Variants in KLC4 observed in about 807,000 individuals in gnomAD.
KLC4 encodes kinesin-like protein 8.
KLC4 carries 49 observed loss-of-function variants against 77.2 expected under a neutral mutation model. That is an observed-to-expected ratio of 0.63 (90% confidence interval 0.50 to 0.80). The LOEUF is 0.80. Among genes scored for constraint, KLC4 ranks in the 30% least tolerant of loss-of-function variants. KLC4 has a pLI of 0.00. For synonymous variants in KLC4, 274 were observed against 314.5 expected, an observed-to-expected ratio of 0.87 and a Z score of 1.36; for missense variants, 669 against 793.5, an observed-to-expected ratio of 0.84 and a Z score of 1.89.
chr6:43,070,572 T>C, intron 7 of KLC4, 117 bp downstream of exon 7: 1 of 1,407,786 alleles, frequency 7.1e-7, no homozygotes, highest in South Asian at 1.3e-5. Flanking sequence ...TGCTTTGTTC[T>C]CTCTTCCTTC....
intron 1 of KLC4, chr6:43,060,323 C>T: frequency 6.2e-7 from 1 of 1,609,216 alleles, no homozygotes; most frequent in South Asian, 1.1e-5. Flanking sequence ...TCCTGGGAGA[C>T]AGTAGCTCCC....
At chr6:43,071,468 C>G (rs1033878756) in intron 9 of KLC4, 94 bp downstream of exon 9, 2 of 1,543,556 alleles carry the variant, frequency 1.3e-6, no homozygotes, top group African/African-American at 2.7e-5. Context: ...CCAGGGGGAG[C>G]CAGACCCCTT....
At position 43,064,526 on chromosome 6, in the gene KLC4, C is replaced by T. The variant is rs184166200; in HGVS notation, c.490-1094C>T. 9.4e-4 allele frequency among the ~76,000 whole-genome samples: 143 copies of T among 152,116 alleles called. 1 individual carries two copies. The Middle Eastern group carries it at 0.037, about 40-fold the overall frequency. ...GCTGTTGCCAGACTAGAGACTCTGT[C>T]TCAAAAAACAAACAAAAAAATAGAG... On this transcript the variant is annotated intron_variant, in intron 3 of 15. Coordinates refer to ENST00000347162, the MANE Select transcript of KLC4 (RefSeq NM_201521.3).
rs758538013 is a variant in KLC4 at position 43,063,076 on chromosome 6, C to A, written c.418C>A (p.Leu140Met). 6.2e-7 allele frequency: 1 copy of A among 1,614,114 alleles called. No homozygotes were observed. The highest frequency in any genetic ancestry group is 8.5e-7 in the Non-Finnish European group (1 of 1,180,038). The change falls in exon 3 of 16, where the codon CTG becomes ATG. Residue 140 changes from leucine to methionine, a missense_variant. Transcript: ENST00000347162. ...GCGCAGTGAACAGGCTGTGGCTCAGCTGGAGGAGGAAAAGAAGCACCTGGA... is the reference window on the plus strand; with the variant it reads ...GCGCAGTGAACAGGCTGTGGCTCAGATGGAGGAGGAAAAGAAGCACCTGGA... Reference protein sequence around the residue: ...LQRSEQAVAQLEEEKKHLEFL... With the variant: ...LQRSEQAVAQMEEEKKHLEFL...
In KLC4 at chr6:43,070,473, C is replaced by T; in HGVS notation, c.981+18C>T. ...GAGAAAAGGTACCCATGCCCTCTCT[C>T]CCTTCTTCTCTTGTCGCTGTGACCC... On this transcript the variant is annotated intron_variant, in intron 7 of 15. Transcript: ENST00000347162. 1 of 1,579,314 alleles carries T rather than the reference C, an allele frequency of 6.3e-7. No individual in the cohort carries two copies. The highest frequency in any genetic ancestry group is 1.1e-5 in the South Asian group (1 of 90,320).
At chr6:43,059,819 C>T (rs972953921) in intron 1 of KLC4, 134 bp downstream of exon 1, 43 of 1,168,530 alleles carry the variant, frequency 3.7e-5, no homozygotes, top group Middle Eastern at 3.6e-4. Flanking sequence ...CCGCCCTTCG[C>T]GATTCTTCCC....
At position 43,073,896 on chromosome 6, in the gene KLC4, T is replaced by C. The variant is rs1404107288; in HGVS notation, c.1746-6T>C. On this transcript the variant is annotated splice_region_variant and splice_polypyrimidine_tract_variant and intron_variant, in intron 14 of 15. Transcript: ENST00000347162. ...GAGGCCTCAATTCTTCCGTTTTCCA[T>C]TGTAGCAGCAACATGAAGCGAGCAG... 6.2e-7 allele frequency: 1 copy of C among 1,614,050 alleles called. No homozygotes were observed. The highest frequency in any genetic ancestry group is 1.7e-5 in the Admixed American group (1 of 60,012).
chr6:43,068,267 T>A (rs1303385641), intron 6 of KLC4, among the ~76,000 whole-genome samples: 4 of 135,278 alleles, frequency 3.0e-5, no homozygotes, highest in East Asian at 2.3e-4. Flanking sequence ...AGGTCAGGAG[T>A]TCAAGACCAT....
chr6:43,074,522 G>A (rs889378867), intron 15 of KLC4, 100 bp from the exon 16 acceptor site: 7 of 1,018,492 alleles, frequency 6.9e-6, no homozygotes, highest in Non-Finnish European at 1.1e-5. Context: ...GTGATCCTAG[G>A]TCCAGAGATA....
chr6:43,061,725 C>T, intron 2 of KLC4, 132 bp downstream of exon 2: 1 of 913,900 alleles, frequency 1.1e-6, no homozygotes, highest in Non-Finnish European at 1.6e-6. Context: ...GTATTAAGTC[C>T]CTACTGTGTG....
chr6:43,060,211 T>A, intron 1 of KLC4: 1 of 1,614,118 alleles, frequency 6.2e-7, no homozygotes, highest in Non-Finnish European at 8.5e-7. Context: ...GACAAAACCA[T>A]GGAAGTGACT....
chr6:43,069,784 G>C (rs1280887854), intron 6 of KLC4, among the ~76,000 whole-genome samples: 1 of 152,150 alleles, frequency 6.6e-6, no homozygotes. Context: ...CTGACCTCAG[G>C]TGATCCGCCC....
intron 12 of KLC4, 62 bp downstream of exon 12, chr6:43,072,317 G>C (rs889337785): frequency 1.5e-6 from 2 of 1,291,388 alleles, no homozygotes; most frequent in Non-Finnish European, 2.2e-6. Context: ...AGAGAGTGCC[G>C]AGGTTTCTTG....
At chr6:43,062,333 C>T (rs919727673) in intron 2 of KLC4, among the ~76,000 whole-genome samples, 2 of 152,214 alleles carry the variant, frequency 1.3e-5, no homozygotes, top group African/African-American at 2.4e-5. Flanking sequence ...CAACCTCTGC[C>T]TGCCAGGTTC....
intron 2 of KLC4, 143 bp from the exon 3 acceptor site, chr6:43,062,774 T>C: frequency 1.6e-6 from 1 of 641,328 alleles, no homozygotes; most frequent in Non-Finnish European, 2.7e-6. Context: ...GGGTATGTTT[T>C]GAAGGTAGCA....
chr6:43,061,490 A>T lies in KLC4; in HGVS notation c.155A>T (p.Glu52Val), dbSNP rs1256105732. Residue 52 changes from glutamate (E) to valine (V), a missense_variant, in exon 2 of 16, where the codon GAG (glutamate) becomes GTG (valine). Glu to Val is a moderately radical substitution (Grantham distance 121). Coordinates refer to ENST00000347162, the MANE Select transcript of KLC4 (RefSeq NM_201521.3). ...AVLQSLSQTI[E>V]CLQQGGHEEG... is the part of the protein sequence containing the mutation. ...CTGCAAAGCCTGTCCCAGACCATTG[A>T]GTGTCTGCAGCAGGGAGGCCATGAG... 6.2e-7 allele frequency: 1 copy of T among 1,614,124 alleles called. No homozygotes were observed. The highest frequency in any genetic ancestry group is 8.5e-7 in the Non-Finnish European group (1 of 1,179,984).
intron 6 of KLC4, chr6:43,067,377 TATAAA>T (rs769839005): frequency 1.1e-4 from 52 of 471,962 alleles, no homozygotes; most frequent in African/African-American, 8.1e-4. Flanking sequence ...CTCTAATAAA[TATAAA>T]AGAAAAACAA....
Position 43,071,561 on chromosome 6 carries a change from C to G in KLC4, c.1256-6C>G, listed in dbSNP as rs753058327. On this transcript the variant is annotated splice_region_variant and splice_polypyrimidine_tract_variant and intron_variant, in intron 9 of 15. Coordinates refer to ENST00000347162, the MANE Select transcript of KLC4 (RefSeq NM_201521.3). ...CTAACCTCCCCACCCCATGTATCAC[C>G]CCTAGATGACCACAAGCCCATCTGG... The G allele has an allele frequency of 6.2e-7, 1 of 1,613,198 alleles. No homozygotes were observed. The highest frequency in any genetic ancestry group is 1.7e-5 in the Admixed American group (1 of 59,982).
Position 43,070,806 on chromosome 6 carries a change from A to T in KLC4, c.1096A>T (p.Ile366Phe), listed in dbSNP as rs771648231. ...VERYYQRALAIYEGQLGPDNP... is the reference protein window; with the variant it reads ...VERYYQRALAFYEGQLGPDNP... ...ACGCTACTACCAGCGAGCACTGGCCATCTACGAGGGGCAGCTGGGGCCGGA... is the reference window on the plus strand; with the variant it reads ...ACGCTACTACCAGCGAGCACTGGCCTTCTACGAGGGGCAGCTGGGGCCGGA... Residue 366 changes from isoleucine (I) to phenylalanine (F), a missense_variant, in exon 8 of 16, where the codon ATC becomes TTC. Physicochemically the swap from Ile to Phe is conservative, Grantham distance 21. Coordinates refer to ENST00000347162, the MANE Select transcript of KLC4 (RefSeq NM_201521.3). The T allele has an allele frequency of 6.2e-7, 1 of 1,613,578 alleles. No individual in the cohort carries two copies. The highest frequency in any genetic ancestry group is 8.5e-7 in the Non-Finnish European group (1 of 1,179,800).
Sources: allele counts gnomAD v4.1 joint callset (sites outside exome capture counted in the v4.1 genomes callset), GRCh38; gene constraint gnomAD v4.1.1; transcripts MANE v1.5; gene names NCBI Gene and HGNC (gene_info 2026-07-23, HGNC 2026-07-21).